The following PREP variants were observed in gnomAD, a reference collection of about 807,000 sequenced individuals.
PREP encodes the protein prolyl endopeptidase.
In PREP, 29 loss-of-function variants were observed where a neutral mutation model predicts 87.6. The ratio of observed to expected loss-of-function variants is 0.33; its 90% CI spans 0.25 to 0.45. The LOEUF (loss-of-function observed/expected upper bound fraction) is 0.45, where lower values mean the gene tolerates loss of function less well. Among genes scored for constraint, PREP ranks in the 20% least tolerant of loss-of-function variants. The pLI is 1.00. For missense variants in PREP, 695 were observed against 886.5 expected, an observed-to-expected ratio of 0.78 and a Z score of 2.74; for synonymous variants, 337 against 328.6, an observed-to-expected ratio of 1.03 and a Z score of -0.28.
rs527651491 is a variant in PREP, at chr6:105,306,804, C to A, written c.1317+16861G>T. Among the ~76,000 whole-genome samples the A allele has an allele frequency of 1.3e-4, 18 of 141,428 alleles. No homozygotes were observed. The South Asian group carries it at 4.0e-3, about 31-fold the overall frequency. The allele number at this position is 141,428 out of a possible 152,430, so 92.8% of individuals were successfully genotyped here. ...CTTTCCCTGGAACCTGACTCTAATT[C>A]TCTAAGCACCTGGTAGGTAGATGGC... is the stretch of plus-strand genomic sequence containing the variant. On this transcript the variant is annotated intron_variant, in intron 10 of 14. Transcript: ENST00000652536.
chr6:105,376,076 C>G (rs766695116), intron 4 of PREP, 49 bp downstream of exon 4: 35 of 1,576,948 alleles, frequency 2.2e-5, no homozygotes, highest in Non-Finnish European at 2.8e-5. Context: ...CTTCAGAGCT[C>G]CAAGTGAGGG....
At chr6:105,367,406 A>G (rs1260091487) in intron 6 of PREP, among the ~76,000 whole-genome samples, 2 of 152,204 alleles carry the variant, frequency 1.3e-5, no homozygotes, top group East Asian at 1.9e-4. Context: ...TAGATGGGAA[A>G]GAAAAGGCAT....
intron 10 of PREP, among the ~76,000 whole-genome samples, chr6:105,320,682 C>A (rs1770981383): frequency 6.6e-6 from 1 of 152,084 alleles, no homozygotes; most frequent in Non-Finnish European, 1.5e-5. Flanking sequence ...ACGGAATGAA[C>A]AAAGAAATGA....
Position 105,282,601 on chromosome 6 carries a change from G to C in PREP, c.1550-19C>G. 1 of 1,604,544 alleles carries C rather than the reference G, an allele frequency of 6.2e-7. No individual in the cohort carries two copies. The highest frequency in any genetic ancestry group is 1.1e-5 in the South Asian group (1 of 88,480). ...ATACCACCTACAGTGTGCCAAAGTGGAAGATAGTTAATTAACAAAACATAA... is the reference window on the plus strand; with the variant it reads ...ATACCACCTACAGTGTGCCAAAGTGCAAGATAGTTAATTAACAAAACATAA... On this transcript the variant is annotated intron_variant, in intron 12 of 14. Coordinates refer to ENST00000652536, the MANE Select transcript of PREP (RefSeq NM_002726.5).
At chr6:105,352,521 T>G (rs573337586) in intron 7 of PREP, among the ~76,000 whole-genome samples, 1 of 152,262 alleles carries the variant, frequency 6.6e-6, no homozygotes, top group South Asian at 2.1e-4. Context: ...ATTACGCCTT[T>G]TTTGTTTATT....
chr6:105,369,492 T>C (rs969662663), intron 5 of PREP, among the ~76,000 whole-genome samples: 4 of 152,226 alleles, frequency 2.6e-5, no homozygotes, highest in African/African-American at 9.6e-5. Context: ...CAAAATATAC[T>C]GACTAGCCAA....
At chr6:105,354,211 A>G (rs901028858) in intron 6 of PREP, among the ~76,000 whole-genome samples, 5 of 152,182 alleles carry the variant, frequency 3.3e-5, no homozygotes, top group African/African-American at 9.7e-5. Flanking sequence ...ATAAACATCT[A>G]TATTATTTGT....
rs1389369255 is a variant in PREP, at chr6:105,379,432, G to A, written c.121-1913C>T. On this transcript the variant is annotated intron_variant, in intron 2 of 14. Coordinates refer to ENST00000652536, the MANE Select transcript of PREP (RefSeq NM_002726.5). ...CAATGCCTATCTGAGAAACCACCCA[G>A]GGGAGCATTTTGGAGATCACCAAGT... is the stretch of plus-strand genomic sequence containing the variant. Among the ~76,000 whole-genome samples, 3 of 152,280 alleles carry A rather than the reference G, an allele frequency of 2.0e-5. No individual in the cohort carries two copies. In the East Asian group the frequency reaches 5.8e-4, roughly 29 times the overall value.
intron 2 of PREP, among the ~76,000 whole-genome samples, chr6:105,380,725 C>T (rs1220593466): frequency 6.6e-6 from 1 of 152,094 alleles, no homozygotes; most frequent in African/African-American, 2.4e-5. Context: ...ACACAAGACC[C>T]CAGCATGCTG....
At position 105,285,474 on chromosome 6, in the gene PREP, A is replaced by G; in HGVS notation, c.1549+12T>C. On this transcript the variant is annotated intron_variant, in intron 12 of 14. Coordinates refer to ENST00000652536, the MANE Select transcript of PREP (RefSeq NM_002726.5). Reference sequence around the variant, plus strand: ...ATGTCAGACTTGTGTTTCTGTAGAGAAAACACCTCACCTTTATGCCACGTC... The same window carrying G: ...ATGTCAGACTTGTGTTTCTGTAGAGGAAACACCTCACCTTTATGCCACGTC... 1.9e-6 allele frequency: 3 copies of G among 1,604,062 alleles called. No individual in the cohort carries two copies. Among genetic ancestry groups the G allele is most frequent in the Non-Finnish European group, 2.6e-6 (3 of 1,170,978 alleles).
intron 5 of PREP, among the ~76,000 whole-genome samples, chr6:105,371,492 T>C (rs1377433179): frequency 3.5e-5 from 4 of 113,482 alleles, no homozygotes; most frequent in Non-Finnish European, 4.9e-5. Context: ...CACAGTGAGA[T>C]TCCATCTCAA....
At chr6:105,366,757 G>C (rs1360512584) in intron 6 of PREP, among the ~76,000 whole-genome samples, 2 of 152,214 alleles carry the variant, frequency 1.3e-5, no homozygotes, top group Non-Finnish European at 2.9e-5. Flanking sequence ...CGTTAAAAAG[G>C]AGGGAAACCG....
chr6:105,293,877 G>A (rs1336248524), intron 10 of PREP, among the ~76,000 whole-genome samples: 2 of 152,158 alleles, frequency 1.3e-5, no homozygotes, highest in Non-Finnish European at 2.9e-5. Context: ...AAACAGCCTA[G>A]GCATTTTCCA....
rs1769963570 is a variant in PREP at position 105,277,308 on chromosome 6, CAT to C, written c.*834_*835del. ...TATCTGTTTGTTTGGATAATTTACT[CAT>C]GTGATCTCTTGGAACCAAGGATCCT... On this transcript the variant is annotated 3_prime_UTR_variant, in exon 15 of 15. Coordinates refer to ENST00000652536, the MANE Select transcript of PREP (RefSeq NM_002726.5). Among the ~76,000 whole-genome samples the C allele has an allele frequency of 6.6e-6, 1 of 151,954 alleles. No individual in the cohort carries two copies. Among genetic ancestry groups the C allele is most frequent in the African/African-American group, 2.4e-5 (1 of 41,366 alleles).
chr6:105,291,098 C>T (rs558818748), intron 10 of PREP, among the ~76,000 whole-genome samples: 46 of 151,392 alleles, frequency 3.0e-4, no homozygotes, highest in African/African-American at 8.8e-4. Context: ...AATGTGCATG[C>T]CTTAATTAAA....
intron 10 of PREP, among the ~76,000 whole-genome samples, chr6:105,289,233 G>A (rs1231089192): frequency 6.6e-6 from 1 of 152,066 alleles, no homozygotes; most frequent in Non-Finnish European, 1.5e-5. Context: ...GGCCTTCCCG[G>A]GGCACACAGA....
chr6:105,284,947 G>A (rs1193623779), intron 12 of PREP, among the ~76,000 whole-genome samples: 1 of 152,202 alleles, frequency 6.6e-6, no homozygotes. Context: ...ACTAATGCAC[G>A]ACAGAGTCAC....
intron 7 of PREP, among the ~76,000 whole-genome samples, chr6:105,347,338 A>G (rs1260854109): frequency 6.6e-6 from 1 of 152,232 alleles, no homozygotes; most frequent in Non-Finnish European, 1.5e-5. Flanking sequence ...CAAGTGCCCA[A>G]CACAGTGCCT....
chr6:105,362,272 C>G (rs900748952), intron 6 of PREP, among the ~76,000 whole-genome samples: 17 of 152,104 alleles, frequency 1.1e-4, no homozygotes, highest in African/African-American at 4.1e-4. Flanking sequence ...ACCAGCCTGG[C>G]CAACATGGTG....
Sources: gnomAD v4.1 joint callset for allele counts (sites outside exome capture counted in the v4.1 genomes callset) on GRCh38, gnomAD v4.1.1 for gene constraint, MANE v1.5 for transcripts, NCBI Gene and HGNC (gene_info 2026-07-23, HGNC 2026-07-21) for gene names.